The following ATP8A1 variants were observed in gnomAD, a reference collection of about 807,000 sequenced individuals.
ATP8A1 encodes the protein phospholipid-transporting ATPase IA.
ATP8A1 carries 90 observed loss-of-function variants against 177.7 expected under a neutral mutation model. The ratio of observed to expected loss-of-function variants is 0.51; its 90% CI spans 0.43 to 0.60. The LOEUF (loss-of-function observed/expected upper bound fraction) is 0.60. Ranked by LOEUF, ATP8A1 falls within the 20% of genes least tolerant of loss-of-function variation. The pLI, the probability that ATP8A1 is intolerant of heterozygous loss-of-function variation, is 0.00. For synonymous variants in ATP8A1, 493 were observed against 485.9 expected, an observed-to-expected ratio of 1.01 and a Z score of -0.19; for missense variants, 1,072 against 1,392.8, an observed-to-expected ratio of 0.77 and a Z score of 3.67.
chr4:42,488,226 A>C (rs1044232265), intron 24 of ATP8A1, among the ~76,000 whole-genome samples: 1 of 152,222 alleles, frequency 6.6e-6, no homozygotes, highest in Non-Finnish European at 1.5e-5. Context: ...ACAGAGATGC[A>C]GCATTTAAGT....
At chr4:42,531,936 C>CA (rs1373255876) in intron 20 of ATP8A1, among the ~76,000 whole-genome samples, 2 of 151,936 alleles carry the variant, frequency 1.3e-5, no homozygotes, top group East Asian at 3.9e-4. Flanking sequence ...CCCACCTCTA[C>CA]AAAAAACACA....
chr4:42,590,011 T>G (rs949739898), intron 7 of ATP8A1, among the ~76,000 whole-genome samples: 2 of 152,150 alleles, frequency 1.3e-5, no homozygotes, highest in African/African-American at 2.4e-5. Context: ...ACTGAAGCAA[T>G]TCTTAATAGT....
chr4:42,551,395 C>T, intron 17 of ATP8A1, 115 bp from the exon 18 acceptor site: 3 of 691,624 alleles, frequency 4.3e-6, no homozygotes, highest in Middle Eastern at 3.8e-4. Flanking sequence ...TCTTTTTATT[C>T]TGGCTCATGT....
chr4:42,568,768 T>G (rs979395120), intron 15 of ATP8A1, among the ~76,000 whole-genome samples: 3 of 152,140 alleles, frequency 2.0e-5, no homozygotes, highest in African/African-American at 7.2e-5. Flanking sequence ...TATGTTTCAG[T>G]AGCCTCTTTT....
intron 1 of ATP8A1, among the ~76,000 whole-genome samples, chr4:42,641,811 C>A (rs1261541943): frequency 6.6e-6 from 1 of 152,114 alleles, no homozygotes; most frequent in Non-Finnish European, 1.5e-5. Flanking sequence ...AACATACAAA[C>A]AGGTAGATAT....
intron 24 of ATP8A1, among the ~76,000 whole-genome samples, chr4:42,502,896 A>G (rs1205493296): frequency 6.6e-6 from 1 of 152,224 alleles, no homozygotes; most frequent in Non-Finnish European, 1.5e-5. Context: ...TTTGCTAACT[A>G]TTTTACACTG....
At chr4:42,461,949 T>G (rs972037689) in intron 27 of ATP8A1, among the ~76,000 whole-genome samples, 10 of 152,198 alleles carry the variant, frequency 6.6e-5, no homozygotes, top group Admixed American at 5.9e-4. Context: ...GCAAAGAGAC[T>G]GGCAGCATTT....
intron 24 of ATP8A1, among the ~76,000 whole-genome samples, chr4:42,489,611 T>C (rs2052395974): frequency 6.6e-6 from 1 of 152,238 alleles, no homozygotes; most frequent in Admixed American, 6.5e-5. Context: ...TAGTTTTCTT[T>C]TGTAAGCTCT....
intron 20 of ATP8A1, among the ~76,000 whole-genome samples, chr4:42,536,618 A>G (rs1212686080): frequency 2.6e-5 from 4 of 152,180 alleles, no homozygotes; most frequent in Admixed American, 2.6e-4. Flanking sequence ...CTATCCCCCA[A>G]TACCAAAACC....
chr4:42,493,967 C>T (rs1384098343), intron 24 of ATP8A1, among the ~76,000 whole-genome samples: 2 of 151,716 alleles, frequency 1.3e-5, no homozygotes, highest in Non-Finnish European at 2.9e-5. Flanking sequence ...TTTGGGAGGC[C>T]GAGGAAGGCA....
intron 35 of ATP8A1, among the ~76,000 whole-genome samples, chr4:42,421,413 C>T (rs896066241): frequency 2.6e-5 from 4 of 152,042 alleles, no homozygotes; most frequent in African/African-American, 9.7e-5. Context: ...GGACTCCAGG[C>T]CCAGATCTGT....
intron 33 of ATP8A1, among the ~76,000 whole-genome samples, chr4:42,433,231 A>G (rs948606366): frequency 9.2e-5 from 14 of 152,298 alleles, no homozygotes; most frequent in Non-Finnish European, 2.1e-4. Context: ...AGCTTGGGGA[A>G]CAGTAGTACC....
At chr4:42,528,831 T>C (rs1226889200) in intron 20 of ATP8A1, among the ~76,000 whole-genome samples, 1 of 152,146 alleles carries the variant, frequency 6.6e-6, no homozygotes, top group Non-Finnish European at 1.5e-5. Context: ...CACACTGGAC[T>C]TATTGGTGAG....
chr4:42,420,379 T>C (rs1308194495), intron 35 of ATP8A1, among the ~76,000 whole-genome samples: 1 of 152,196 alleles, frequency 6.6e-6, no homozygotes, highest in African/African-American at 2.4e-5. Context: ...AAAAACTAAA[T>C]AGCTATTTTA....
chr4:42,554,920 C>T (rs995762176), intron 16 of ATP8A1, among the ~76,000 whole-genome samples: 11 of 152,160 alleles, frequency 7.2e-5, no homozygotes, highest in African/African-American at 2.7e-4. Flanking sequence ...GGCTTAGCCT[C>T]CCAGCCTACA....
intron 15 of ATP8A1, among the ~76,000 whole-genome samples, chr4:42,565,349 C>T (rs1731247226): frequency 6.6e-6 from 1 of 152,194 alleles, no homozygotes; most frequent in South Asian, 2.1e-4. Context: ...CTTTGTTATA[C>T]AGTCACACCT....
chr4:42,603,830 G>A (rs1249860582), intron 5 of ATP8A1, among the ~76,000 whole-genome samples: 1 of 152,136 alleles, frequency 6.6e-6, no homozygotes, highest in African/African-American at 2.4e-5. Context: ...AGTTTCTACA[G>A]TGTAGCTATA....
chr4:42,573,347 G>A (rs1232212070), intron 14 of ATP8A1, among the ~76,000 whole-genome samples: 1 of 152,098 alleles, frequency 6.6e-6, no homozygotes, highest in African/African-American at 2.4e-5. Flanking sequence ...TTCTCCTCTG[G>A]GATGATTGTG....
chr4:42,456,162 C>A lies in ATP8A1; in HGVS notation c.2620-563G>T, dbSNP rs190909818. Among the ~76,000 whole-genome samples the A allele has an allele frequency of 1.6e-4, 25 of 152,218 alleles. No individual in the cohort carries two copies. In the East Asian group the frequency reaches 4.8e-3, roughly 29 times the overall value. On this transcript the variant is annotated intron_variant, in intron 27 of 36. Transcript: ENST00000381668. ...CTTAATATTATGTAATATGCATTTT[C>A]TTAAGTTGTCACATATCCTTTAAAA...
Sources: allele counts gnomAD v4.1 joint callset (sites outside exome capture counted in the v4.1 genomes callset), GRCh38; gene constraint gnomAD v4.1.1; transcripts MANE v1.5; gene names NCBI Gene and HGNC (gene_info 2026-07-23, HGNC 2026-07-21).